The following PLCG1 variants were observed in gnomAD, a reference collection of about 807,000 sequenced individuals.
The protein encoded by PLCG1 is 1-phosphatidylinositol 4,5-bisphosphate phosphodiesterase gamma-1.
A neutral mutation model predicts 177.8 loss-of-function variants in PLCG1; 71 were observed. The observed-to-expected ratio is 0.40, with a 90% CI of 0.33 to 0.49. The LOEUF is 0.49. Among genes scored for constraint, PLCG1 ranks in the 20% least tolerant of loss-of-function variants. PLCG1 has a pLI of 0.72. For missense variants in PLCG1, 1,281 were observed against 1,709.0 expected (o/e 0.75, Z 4.42); for synonymous variants, 658 against 647.9 (o/e 1.02, Z -0.24).
rs550454248 is a variant in PLCG1, at chr20:41,158,736, C to G, written c.218-870C>G. Among the ~76,000 whole-genome samples, 8 of 152,316 alleles carry G rather than the reference C, an allele frequency of 5.3e-5. No individual in the cohort carries two copies. The East Asian group carries it at 7.7e-4, about 15-fold the overall frequency. ...ATCACATAGCTAATGTGAGGTAGAG[C>G]TAGGATTTTAGTTCAGCCAGTCTCA... On this transcript the variant is annotated intron_variant, in intron 1 of 31. Transcript: ENST00000685551.
intron 6 of PLCG1, 67 bp downstream of exon 6, chr20:41,162,792 C>G: frequency 1.4e-6 from 2 of 1,437,580 alleles, no homozygotes; most frequent in Admixed American, 1.7e-5. Flanking sequence ...CCAGCTCTGC[C>G]TGCCTCAGCC....
chr20:41,153,414 C>G lies in PLCG1; in HGVS notation c.218-6192C>G, dbSNP rs2035224403. Among the ~76,000 whole-genome samples the G allele has an allele frequency of 6.6e-6, 1 of 152,158 alleles. No homozygotes were observed. ...CTCAAGTGATCTTTCCCACCGCCTC[C>G]CAAGTAGCTGGGACTACAGGCATGT... On this transcript the variant is annotated intron_variant, in intron 1 of 31. Coordinates refer to ENST00000685551, the MANE Select transcript of PLCG1 (RefSeq NM_002660.3). The surrounding 1 kb of genome is among the most constrained non-coding windows in gnomAD (Gnocchi z 5.1).
chr20:41,175,544 A>C lies in PLCG1; in HGVS notation c.*1035A>C, dbSNP rs970777579. On this transcript the variant is annotated 3_prime_UTR_variant, in exon 32 of 32. Transcript: ENST00000685551. ...TGGGAAGGTTAGAAAGGCAGCCCTCACCTCTGAGGACAGAGGCCGGGGTCC... is the reference window on the plus strand; with the variant it reads ...TGGGAAGGTTAGAAAGGCAGCCCTCCCCTCTGAGGACAGAGGCCGGGGTCC... 6.6e-6 allele frequency: 1 copy of C among 152,518 alleles called. No homozygotes were observed. Among genetic ancestry groups the C allele is most frequent in the Non-Finnish European group, 1.5e-5 (1 of 68,052 alleles). 9.4% of individuals were successfully genotyped at this position (152,518 alleles called of 1,614,324 possible). A position where few individuals can be genotyped will look rare whatever the true frequency, so the allele number is the denominator to read the frequency against.
rs1338049222 is a variant in PLCG1, at chr20:41,166,242, T to G, written c.1848T>G (p.Ala616=). ...QHCRIHSRQD[A]GTPKFFLTDN... is the part of the protein sequence containing the mutation. ...GCCGTATCCACTCCCGGCAAGATGC[T>G]GGGACCCCCAAGTTCTTCTTGACAG... The change falls in exon 17 of 32, where the codon GCT becomes GCG. Residue 616 remains alanine (A), a synonymous_variant. Transcript: ENST00000685551. The surrounding 1 kb of genome is among the most constrained non-coding windows in gnomAD (Gnocchi z 8.6). 7 of 1,614,140 alleles carry G rather than the reference T, an allele frequency of 4.3e-6. No homozygotes were observed. Among genetic ancestry groups the G allele is most frequent in the Non-Finnish European group, 5.9e-6 (7 of 1,180,024 alleles).
chr20:41,146,613 C>T lies in PLCG1; in HGVS notation c.217+8755C>T, dbSNP rs1299536755. ...ACTTGTTTGTGTGTGTTTAGTTCTT[C>T]CTGGGCACAGGTGGGGAGTTCACTT... On this transcript the variant is annotated intron_variant, in intron 1 of 31. Transcript: ENST00000685551. This position sits in a 1 kb window ranked among gnomAD's most constrained non-coding sequence, Gnocchi z 6.3. 6.6e-6 allele frequency among the ~76,000 whole-genome samples: 1 copy of T among 152,182 alleles called. No individual in the cohort carries two copies. The highest frequency in any genetic ancestry group is 2.4e-5 in the African/African-American group (1 of 41,444).
Position 41,164,016 on chromosome 20 carries a change from G to T in PLCG1, c.1096+10G>T. ...TGTCGCTGCATTGAGTGTGCGTGGG[G>T]TCCAGGGCTGGGGGAGGGAAGATGG... On this transcript the variant is annotated intron_variant, in intron 11 of 31. Transcript: ENST00000685551. This position sits in a 1 kb window ranked among gnomAD's most constrained non-coding sequence, Gnocchi z 6.4. 10 of 1,614,186 alleles carry T rather than the reference G, an allele frequency of 6.2e-6. No homozygotes were observed. Among genetic ancestry groups the T allele is most frequent in the Non-Finnish European group, 8.5e-6 (10 of 1,180,034 alleles).
Position 41,174,593 on chromosome 20 carries a change from T to C in PLCG1, c.*84T>C. 8.1e-7 allele frequency: 1 copy of C among 1,238,010 alleles called. No homozygotes were observed. The highest frequency in any genetic ancestry group is 1.2e-6 in the Non-Finnish European group (1 of 862,626). 76.7% of individuals were successfully genotyped at this position (1,238,010 alleles called of 1,614,324 possible). A position where few individuals can be genotyped will look rare whatever the true frequency, so the allele number is the denominator to read the frequency against. ...ACTGGGTTCTTTGGAAGCAGCCCCCTGTGGCGGCCTTCCGGGTCTCGCAGC... is the reference window on the plus strand; with the variant it reads ...ACTGGGTTCTTTGGAAGCAGCCCCCCGTGGCGGCCTTCCGGGTCTCGCAGC... On this transcript the variant is annotated 3_prime_UTR_variant, in exon 32 of 32. Transcript: ENST00000685551. The surrounding 1 kb of genome is among the most constrained non-coding windows in gnomAD (Gnocchi z 5.8).
In PLCG1 at chr20:41,166,408, C is replaced by T; in HGVS notation, c.2000+14C>T. The T allele has an allele frequency of 6.2e-7, 1 of 1,614,028 alleles. No individual in the cohort carries two copies. Among genetic ancestry groups the T allele is most frequent in the Non-Finnish European group, 8.5e-7 (1 of 1,180,038 alleles). Reference sequence around the variant, plus strand: ...CGAGAGCAAAGAGTGAGGGAAGGGCCTGGGGGCGGACAAGGCAGGGCAGGG... The same window carrying T: ...CGAGAGCAAAGAGTGAGGGAAGGGCTTGGGGGCGGACAAGGCAGGGCAGGG... On this transcript the variant is annotated intron_variant, in intron 17 of 31. Coordinates refer to ENST00000685551, the MANE Select transcript of PLCG1 (RefSeq NM_002660.3). This position sits in a 1 kb window ranked among gnomAD's most constrained non-coding sequence, Gnocchi z 8.6.
Position 41,165,095 on chromosome 20 carries a change from C to T in PLCG1, c.1380C>T (p.Leu460=). The T allele has an allele frequency of 1.2e-6, 2 of 1,612,174 alleles. No homozygotes were observed. The highest frequency in any genetic ancestry group is 8.5e-7 in the Non-Finnish European group (1 of 1,178,710). ...PSPNQLKRKI[L]IKHKKLAEGS... The stretch of plus-strand genomic sequence containing the variant: ...CCAACCAGCTTAAGAGGAAGATCCT[C>T]ATCAAGGTGGGGTGGCGGGCTTATT... The change falls in exon 13 of 32, where the codon CTC becomes CTT. Residue 460 remains leucine (L), a synonymous_variant. Coordinates refer to ENST00000685551, the MANE Select transcript of PLCG1 (RefSeq NM_002660.3). The surrounding 1 kb of genome is among the most constrained non-coding windows in gnomAD (Gnocchi z 6.6).
intron 23 of PLCG1, 100 bp downstream of exon 23, chr20:41,169,626 CAA>C: frequency 1.1e-6 from 1 of 917,946 alleles, no homozygotes; most frequent in Non-Finnish European, 1.8e-6. Context: ...GGCTGAACCC[CAA>C]AGTCTGCCCT....
chr20:41,171,621 A>G (rs1029836320), intron 24 of PLCG1, among the ~76,000 whole-genome samples: 7 of 151,254 alleles, frequency 4.6e-5, no homozygotes, highest in African/African-American at 1.7e-4. Context: ...CCACTGAAAG[A>G]AAGTCCTCCA....
In PLCG1 at chr20:41,159,506, C is replaced by A; in HGVS notation, c.218-100C>A. Reference sequence around the variant, plus strand: ...TTGGCTCTGCCTCTGGGGTTCCTCCCTGAGAGAGAGTGTAAGAATGAGGAA... The same window carrying A: ...TTGGCTCTGCCTCTGGGGTTCCTCCATGAGAGAGAGTGTAAGAATGAGGAA... On this transcript the variant is annotated intron_variant, in intron 1 of 31. Coordinates refer to ENST00000685551, the MANE Select transcript of PLCG1 (RefSeq NM_002660.3). The surrounding 1 kb of genome is among the most constrained non-coding windows in gnomAD (Gnocchi z 6.0). The A allele has an allele frequency of 7.9e-7, 1 of 1,269,168 alleles. No individual in the cohort carries two copies. Among genetic ancestry groups the A allele is most frequent in the South Asian group, 1.4e-5 (1 of 70,536 alleles). 78.6% of individuals were successfully genotyped at this position (1,269,168 alleles called of 1,614,324 possible). A position where few individuals can be genotyped will look rare whatever the true frequency, so the allele number is the denominator to read the frequency against.
Position 41,166,233 on chromosome 20 carries a change from G to C in PLCG1, c.1839G>C (p.Arg613=), listed in dbSNP as rs1375957080. Reference sequence around the variant, plus strand: ...TCCAGCACTGCCGTATCCACTCCCGGCAAGATGCTGGGACCCCCAAGTTCT... The same window carrying C: ...TCCAGCACTGCCGTATCCACTCCCGCCAAGATGCTGGGACCCCCAAGTTCT... The part of the protein sequence containing the change: ...GKVQHCRIHS[R]QDAGTPKFFL... Residue 613 remains arginine (R), a synonymous_variant, in exon 17 of 32, where the codon CGG becomes CGC. Transcript: ENST00000685551. The surrounding 1 kb of genome is among the most constrained non-coding windows in gnomAD (Gnocchi z 8.6). 6.2e-7 allele frequency: 1 copy of C among 1,614,002 alleles called. No homozygotes were observed. Among genetic ancestry groups the C allele is most frequent in the South Asian group, 1.1e-5 (1 of 91,080 alleles).
rs935890548 is a variant in PLCG1, at chr20:41,157,299, C to G, written c.218-2307C>G. Among the ~76,000 whole-genome samples the G allele has an allele frequency of 6.6e-6, 1 of 151,222 alleles. No homozygotes were observed. Among genetic ancestry groups the G allele is most frequent in the East Asian group, 2.0e-4 (1 of 5,128 alleles). On this transcript the variant is annotated intron_variant, in intron 1 of 31. Coordinates refer to ENST00000685551, the MANE Select transcript of PLCG1 (RefSeq NM_002660.3). This position sits in a 1 kb window ranked among gnomAD's most constrained non-coding sequence, Gnocchi z 5.4. ...GAGGGGGATGACAGCAGCTCCACAC[C>G]GGAAGAGCAGACTGGTTTCTGTTTC...
chr20:41,167,520 C>T lies in PLCG1; in HGVS notation c.2302-332C>T, dbSNP rs995211539. ...GACTTTGGGCTCAGCAGTGAACCAACAAGCCACTGAACTAAAGCACTGAAT... is the reference window on the plus strand; with the variant it reads ...GACTTTGGGCTCAGCAGTGAACCAATAAGCCACTGAACTAAAGCACTGAAT... On this transcript the variant is annotated intron_variant, in intron 19 of 31. Transcript: ENST00000685551. This position sits in a 1 kb window ranked among gnomAD's most constrained non-coding sequence, Gnocchi z 4.4. 3 of 268,986 alleles carry T rather than the reference C, an allele frequency of 1.1e-5. No homozygotes were observed. The highest frequency in any genetic ancestry group is 4.4e-5 in the African/African-American group (2 of 45,144). The allele number at this position is 268,986 out of a possible 1,614,324, so 16.7% of individuals were successfully genotyped here. A position where few individuals can be genotyped will look rare whatever the true frequency, so the allele number is the denominator to read the frequency against.
At chr20:41,162,109 A>G (rs2035518476) in intron 4 of PLCG1, among the ~76,000 whole-genome samples, 1 of 152,062 alleles carries the variant, frequency 6.6e-6, no homozygotes, top group Non-Finnish European at 1.5e-5. Context: ...CACAGGCCTC[A>G]GCAGTGCCGG....
Position 41,166,102 on chromosome 20 carries a change from C to G in PLCG1, c.1800-92C>G, listed in dbSNP as rs56128153. ...GATTGGCCTCCCTCCTTGAGGCTCC[C>G]TCCTTGAGTTCCACCCTCATTTGGG... On this transcript the variant is annotated intron_variant, in intron 16 of 31. Coordinates refer to ENST00000685551, the MANE Select transcript of PLCG1 (RefSeq NM_002660.3). The surrounding 1 kb of genome is among the most constrained non-coding windows in gnomAD (Gnocchi z 8.6). 9,621 of 1,169,778 alleles carry G rather than the reference C, an allele frequency of 8.2e-3. 50 individuals are homozygous for G. The highest frequency in any genetic ancestry group is 9.3e-3 in the Non-Finnish European group (7,515 of 809,754). 72.5% of individuals were successfully genotyped at this position (1,169,778 alleles called of 1,614,324 possible).
rs764236798 is a variant in PLCG1 at position 41,160,064 on chromosome 20, G to C, written c.465-42G>C. The C allele has an allele frequency of 2.5e-6, 4 of 1,611,558 alleles. No homozygotes were observed. Among genetic ancestry groups the C allele is most frequent in the Non-Finnish European group, 3.4e-6 (4 of 1,177,634 alleles). On this transcript the variant is annotated intron_variant, in intron 3 of 31. Coordinates refer to ENST00000685551, the MANE Select transcript of PLCG1 (RefSeq NM_002660.3). The surrounding 1 kb of genome is among the most constrained non-coding windows in gnomAD (Gnocchi z 5.5). ...GCCCAGACATCTCCCAGGCCTGACT[G>C]TAGATGGAGAAGTGGCCCTCACCTC... is the stretch of plus-strand genomic sequence containing the variant.
In PLCG1 at chr20:41,163,052, C is replaced by T. The variant is rs748155478; in HGVS notation, c.716+60C>T. 45 of 1,559,140 alleles carry T rather than the reference C, an allele frequency of 2.9e-5. No homozygotes were observed. Among genetic ancestry groups the T allele is most frequent in the Admixed American group, 2.0e-4 (12 of 59,896 alleles). On this transcript the variant is annotated intron_variant, in intron 7 of 31. Transcript: ENST00000685551. This position sits in a 1 kb window ranked among gnomAD's most constrained non-coding sequence, Gnocchi z 5.2. Reference sequence around the variant, plus strand: ...GGGCCCCCTTCATCTCTCCACTGGGCGATTCTTGATCCAGGTGGGAGGCAG... The same window carrying T: ...GGGCCCCCTTCATCTCTCCACTGGGTGATTCTTGATCCAGGTGGGAGGCAG...
Sources: gnomAD v4.1 joint callset for allele counts (sites outside exome capture counted in the v4.1 genomes callset) on GRCh38, gnomAD v4.1.1 for gene constraint, Gnocchi (gnomAD v3.1) non-coding constraint, MANE v1.5 for transcripts, NCBI Gene and HGNC (gene_info 2026-07-23, HGNC 2026-07-21) for gene names.